The following MUC15 variants were observed in gnomAD, a reference collection of about 807,000 sequenced individuals.
MUC15 encodes mucin 15, cell surface associated, also known as mucin-15.
A neutral mutation model predicts 24.0 loss-of-function variants in MUC15; 23 were observed. That is an observed-to-expected ratio of 0.96 (90% CI 0.69 to 1.36). The LOEUF (loss-of-function observed/expected upper bound fraction) is 1.36, where lower values mean the gene tolerates loss of function less well. Ranked by LOEUF, MUC15 falls within the 40% of genes most tolerant of loss-of-function variation. MUC15 has a pLI of 0.00. For synonymous variants in MUC15, 151 were observed against 156.3 expected (o/e 0.97, Z 0.25); for missense variants, 442 against 428.2 (o/e 1.03, Z -0.29).
Position 26,565,290 on chromosome 11 carries a change from C to T in MUC15, c.650G>A (p.Trp217Ter). 2 of 1,607,580 alleles carry T rather than the reference C, an allele frequency of 1.2e-6. No homozygotes were observed. Among genetic ancestry groups the T allele is most frequent in the Admixed American group, 1.7e-5 (1 of 59,474 alleles). ...GAAGCTATCACTGTTTGTGGTAAGC[C>T]ATCCACTTGGTTCCACTATCAAGGG... The part of the protein sequence containing the change: ...VTPLIVEPSG[W>*]LTTNSDSFTG... Residue 217 changes from tryptophan (W) to a stop codon, truncating the protein, a stop_gained, in exon 3 of 5, where the codon TGG becomes TAG. Transcript: ENST00000529533. LOFTEE classifies it high-confidence loss of function.
At chr11:26,566,717 G>A (rs1396688841) in intron 2 of MUC15, among the ~76,000 whole-genome samples, 3 of 151,736 alleles carry the variant, frequency 2.0e-5, no homozygotes, top group East Asian at 1.9e-4. Flanking sequence ...ACATCATTCC[G>A]CCTCTTAAGT....
chr11:26,572,226 C>A lies in MUC15; in HGVS notation c.-231G>T, dbSNP rs763758122. ...TATCTTGCTTGTGTAACAGAGCGCC[C>A]AGGAACCTGACTGACCTGCTTCTCA... On this transcript the variant is annotated 5_prime_UTR_variant, in exon 1 of 5. Transcript: ENST00000529533. 4.1e-6 allele frequency: 4 copies of A among 985,410 alleles called. No individual in the cohort carries two copies. Among genetic ancestry groups the A allele is most frequent in the Non-Finnish European group, 4.8e-6 (4 of 830,024 alleles). 61.0% of individuals were successfully genotyped at this position (985,410 alleles called of 1,614,324 possible).
At position 26,561,473 on chromosome 11, in the gene MUC15, A is replaced by G. The variant is rs537040699; in HGVS notation, c.926-248T>C. ...TGGACTCAAAGTAAAGGAACTAAAG[A>G]AGAGACCAGTATAGTATATCAATAC... On this transcript the variant is annotated intron_variant, in intron 4 of 4. Coordinates refer to ENST00000529533, the MANE Select transcript of MUC15 (RefSeq NM_001135091.2). 9.9e-5 allele frequency among the ~76,000 whole-genome samples: 15 copies of G among 152,138 alleles called. No individual in the cohort carries two copies. In the East Asian group the frequency reaches 2.9e-3, roughly 29 times the overall value.
At chr11:26,567,160 T>C (rs1850621658) in intron 1 of MUC15, 21 bp from the exon 2 acceptor site, 5 of 1,363,288 alleles carry the variant, frequency 3.7e-6, no homozygotes, top group East Asian at 2.7e-5. Flanking sequence ...GAAGAGGCAA[T>C]ATTTAAAGCC....
At chr11:26,571,296 A>G (rs1850815765) in intron 1 of MUC15, among the ~76,000 whole-genome samples, 1 of 152,154 alleles carries the variant, frequency 6.6e-6, no homozygotes, top group Non-Finnish European at 1.5e-5. Flanking sequence ...ACTAAATAGA[A>G]AGTAGATAAA....
intron 2 of MUC15, among the ~76,000 whole-genome samples, chr11:26,566,297 T>C (rs1052163789): frequency 2.0e-5 from 3 of 152,064 alleles, no homozygotes; most frequent in African/African-American, 7.2e-5. Flanking sequence ...TAGAGCTGGC[T>C]GATTTCTTCA....
chr11:26,560,825 A>G lies in MUC15; in HGVS notation c.*240T>C. 1 of 368,600 alleles carries G rather than the reference A, an allele frequency of 2.7e-6. No individual in the cohort carries two copies. Among genetic ancestry groups the G allele is most frequent in the Non-Finnish European group, 4.8e-6 (1 of 207,266 alleles). The allele number at this position is 368,600 out of a possible 1,614,324, so 22.8% of individuals were successfully genotyped here. On this transcript the variant is annotated 3_prime_UTR_variant, in exon 5 of 5. Transcript: ENST00000529533. ...CACAAATATTTTCTACTAAGAAAAT[A>G]CTACTAAAATACAAATTAAGGCTAC...
chr11:26,564,730 CACATATATATATATATAT>C lies in MUC15; in HGVS notation c.775+417_775+434del, dbSNP rs1264648528. ...ACACACACACACACACACACACACACACATATATATATATATATATATATATATATATATATATATATA... is the reference window on the plus strand; with the variant it reads ...ACACACACACACACACACACACACACATATATATATATATATATATATATA... On this transcript the variant is annotated intron_variant, in intron 3 of 4. Transcript: ENST00000529533. Among the ~76,000 whole-genome samples the C allele has an allele frequency of 3.3e-3, 80 of 23,976 alleles. 1 individual carries two copies. The highest frequency in any genetic ancestry group is 3.3e-3 in the Admixed American group (6 of 1,826). 15.7% of individuals were successfully genotyped at this position (23,976 alleles called of 152,430 possible).
chr11:26,560,907 C>T lies in MUC15; in HGVS notation c.*158G>A, dbSNP rs950643709. On this transcript the variant is annotated 3_prime_UTR_variant, in exon 5 of 5. Transcript: ENST00000529533. ...TAAGAAAGAAAACCTTTGGATGATA[C>T]ATCCTGTCTACATTTCTGCTACTGG... 1.7e-5 allele frequency: 11 copies of T among 657,156 alleles called. No individual in the cohort carries two copies. The African/African-American group carries it at 1.9e-4, about 11-fold the overall frequency. The allele number at this position is 657,156 out of a possible 1,614,324, so 40.7% of individuals were successfully genotyped here.
Position 26,560,885 on chromosome 11 carries a change from G to C in MUC15, c.*180C>G. 9.0e-6 allele frequency: 5 copies of C among 556,232 alleles called. No individual in the cohort carries two copies. The highest frequency in any genetic ancestry group is 1.5e-5 in the Non-Finnish European group (5 of 337,948). 34.5% of individuals were successfully genotyped at this position (556,232 alleles called of 1,614,324 possible). A position where few individuals can be genotyped will look rare whatever the true frequency, so the allele number is the denominator to read the frequency against. ...GCCTCAGGATGGCCAAAAATTGTAA[G>C]AAAGAAAACCTTTGGATGATACATC... On this transcript the variant is annotated 3_prime_UTR_variant, in exon 5 of 5. Coordinates refer to ENST00000529533, the MANE Select transcript of MUC15 (RefSeq NM_001135091.2).
rs766328093 is a variant in MUC15 at position 26,561,131 on chromosome 11, T to G, written c.1020A>C (p.Glu340Asp). 6.2e-7 allele frequency: 1 copy of G among 1,612,968 alleles called. No homozygotes were observed. The highest frequency in any genetic ancestry group is 8.5e-7 in the Non-Finnish European group (1 of 1,179,328). Reference sequence around the variant, plus strand: ...TGCCATCACGTGCATTTTCTTCACTTTCTGGCATGGCTGAATCATTCAAAG... The same window carrying G: ...TGCCATCACGTGCATTTTCTTCACTGTCTGGCATGGCTGAATCATTCAAAG... Reference protein sequence around the residue: ...NPTLNDSAMPESEENARDGIP... With the variant: ...NPTLNDSAMPDSEENARDGIP... The change falls in exon 5 of 5, where the codon GAA becomes GAC. Residue 340 changes from glutamate to aspartate, a missense_variant. Glu to Asp is a conservative substitution (Grantham distance 45, BLOSUM62 2). Coordinates refer to ENST00000529533, the MANE Select transcript of MUC15 (RefSeq NM_001135091.2).
intron 3 of MUC15, among the ~76,000 whole-genome samples, chr11:26,564,728 CACACATATATATATATATATATATATAT>C (rs1235903733): frequency 2.8e-4 from 10 of 36,178 alleles, no homozygotes; most frequent in South Asian, 9.3e-4. Flanking sequence ...CACACACACA[CACACATATATATATATATATATATATAT>C]ATATATATAT....
At chr11:26,563,350 A>G in intron 3 of MUC15, 85 bp from the exon 4 acceptor site, 2 of 1,329,140 alleles carry the variant, frequency 1.5e-6, no homozygotes, top group Non-Finnish European at 2.0e-6. Context: ...CATATAACAA[A>G]GAATGTTTAA....
chr11:26,568,044 C>G (rs571666381), intron 1 of MUC15, among the ~76,000 whole-genome samples: 10 of 152,108 alleles, frequency 6.6e-5, no homozygotes, highest in Non-Finnish European at 1.0e-4. Context: ...TACTCTATTT[C>G]TCAACCTGAT....
intron 4 of MUC15, among the ~76,000 whole-genome samples, chr11:26,561,747 T>C (rs907040172): frequency 2.0e-5 from 3 of 152,048 alleles, no homozygotes; most frequent in Non-Finnish European, 2.9e-5. Flanking sequence ...CAAGTTATCA[T>C]GCACTTGAGG....
chr11:26,568,263 T>C (rs943274909), intron 1 of MUC15, among the ~76,000 whole-genome samples: 1 of 152,048 alleles, frequency 6.6e-6, no homozygotes, highest in Non-Finnish European at 1.5e-5. Context: ...GAAGGGCTTA[T>C]TAATCCCACT....
In MUC15 at chr11:26,565,582, C is replaced by T; in HGVS notation, c.358G>A (p.Ala120Thr). The T allele has an allele frequency of 6.2e-7, 1 of 1,613,292 alleles. No homozygotes were observed. The highest frequency in any genetic ancestry group is 8.5e-7 in the Non-Finnish European group (1 of 1,179,546). ...TTTAGACTGCCCAAAGAATGCTCTG[C>T]TGATGAGTTACTGGAGAAATCTGTT... ...GITDFSSNSS[A>T]EHSLGSLKPT... is the part of the protein sequence containing the mutation. Residue 120 changes from alanine (A) to threonine (T), a missense_variant, in exon 3 of 5, where the codon GCA becomes ACA. Ala to Thr is a moderately conservative substitution (Grantham distance 58). Transcript: ENST00000529533.
chr11:26,564,672 T>C (rs541039777), intron 3 of MUC15, among the ~76,000 whole-genome samples: 99 of 133,166 alleles, frequency 7.4e-4, no homozygotes, highest in Middle Eastern at 3.9e-3. Flanking sequence ...TAAAAACTCA[T>C]ATATATATAC....
intron 1 of MUC15, among the ~76,000 whole-genome samples, chr11:26,569,794 A>G (rs891306433): frequency 2.0e-5 from 3 of 152,076 alleles, no homozygotes; most frequent in Admixed American, 6.6e-5. Flanking sequence ...ATGATGGATT[A>G]TGGATGGTAT....
Sources: allele counts gnomAD v4.1 joint callset (sites outside exome capture counted in the v4.1 genomes callset), GRCh38; gene constraint gnomAD v4.1.1; transcripts MANE v1.5; gene names NCBI Gene and HGNC (gene_info 2026-07-23, HGNC 2026-07-21).